The following ARHGAP29 variants were observed in gnomAD, a reference collection of about 807,000 sequenced individuals.
The protein encoded by ARHGAP29 is rho GTPase-activating protein 29.
In ARHGAP29, 43 loss-of-function variants were observed where a neutral mutation model predicts 122.6. The ratio of observed to expected loss-of-function variants is 0.35; its 90% CI spans 0.27 to 0.45. ARHGAP29 has a LOEUF of 0.45. Ranked by LOEUF, ARHGAP29 falls within the 20% of genes least tolerant of loss-of-function variation. The probability of loss-of-function intolerance (pLI) is 1.00; values close to 1 mark genes in which losing one functional copy is unlikely to be tolerated. For missense variants in ARHGAP29, 1,303 were observed against 1,477.2 expected (o/e 0.88, Z 1.93); for synonymous variants, 506 against 497.1 (o/e 1.02, Z -0.24).
the ARHGAP29 span, among the ~76,000 whole-genome samples, chr1:94,294,511 C>T: frequency 6.6e-6 from 1 of 152,142 alleles, no homozygotes; most frequent in South Asian, 2.1e-4. Flanking sequence ...TTATCTCGCA[C>T]TCCTGGGCTC....
At position 94,178,173 on chromosome 1, in the gene ARHGAP29, A is replaced by G; in HGVS notation, c.2481-6T>C. 1 of 1,606,904 alleles carries G rather than the reference A, an allele frequency of 6.2e-7. No homozygotes were observed. On this transcript the variant is annotated splice_polypyrimidine_tract_variant and splice_region_variant and intron_variant, in intron 20 of 22. Transcript: ENST00000260526. The stretch of plus-strand genomic sequence containing the variant: ...CTTCTGCATGATCTACTACCCTGCA[A>G]AGTAGAACACATAAAGTTGTATGAG...
In ARHGAP29 at chr1:94,189,371, CAAAA is replaced by C. The variant is rs763701266; in HGVS notation, c.1440-23_1440-20del. On this transcript the variant is annotated intron_variant, in intron 13 of 22. Coordinates refer to ENST00000260526, the MANE Select transcript of ARHGAP29 (RefSeq NM_004815.4). Reference sequence around the variant, plus strand: ...TACATTTCTGAAACAACAACAATGACAAAAAACAAAACTCAACACTCCAAAGAAT... The same window carrying C: ...TACATTTCTGAAACAACAACAATGACAACAAAACTCAACACTCCAAAGAAT... 1.3e-6 allele frequency: 2 copies of C among 1,591,250 alleles called. No homozygotes were observed. The highest frequency in any genetic ancestry group is 1.7e-6 in the Non-Finnish European group (2 of 1,170,852).
chr1:94,238,284 TTCCCGACC>T (rs1478045556), upstream of ARHGAP29, among the ~76,000 whole-genome samples: 1 of 151,772 alleles, frequency 6.6e-6, no homozygotes, highest in East Asian at 1.9e-4. Flanking sequence ...TGGTCTCGAA[TTCCCGACC>T]TCCCGACCTC....
chr1:94,235,975 T>C (rs1021110997), intron 1 of ARHGAP29, among the ~76,000 whole-genome samples: 1 of 152,182 alleles, frequency 6.6e-6, no homozygotes, highest in African/African-American at 2.4e-5. Flanking sequence ...CAAACATCTA[T>C]ACTTACTATT....
chr1:94,224,530 TAAACATGCAGA>T (rs755817875), intron 2 of ARHGAP29, among the ~76,000 whole-genome samples: 12 of 152,202 alleles, frequency 7.9e-5, no homozygotes, highest in Non-Finnish European at 1.5e-4. Flanking sequence ...TCAAGGAAAT[TAAACATGCAGA>T]AATCCATATA....
At chr1:94,195,315 G>A (rs1050306973) in intron 12 of ARHGAP29, 2 of 152,196 alleles carry the variant, frequency 1.3e-5, no homozygotes, top group Non-Finnish European at 2.9e-5. Flanking sequence ...GTGAATCCAA[G>A]ACATTGCAAG....
upstream of ARHGAP29, among the ~76,000 whole-genome samples, chr1:94,240,369 C>A (rs1653530817): frequency 6.6e-6 from 1 of 152,064 alleles, no homozygotes; most frequent in Admixed American, 6.5e-5. Flanking sequence ...GAAATATTTG[C>A]AAAAATGGTA....
the ARHGAP29 span, among the ~76,000 whole-genome samples, chr1:94,288,084 A>G: frequency 6.6e-6 from 1 of 152,166 alleles, no homozygotes; most frequent in Non-Finnish European, 1.5e-5. Flanking sequence ...GGTCTTCCAC[A>G]ATGGTTGAAC....
At chr1:94,224,809 G>A (rs886382961) in intron 2 of ARHGAP29, among the ~76,000 whole-genome samples, 2 of 152,166 alleles carry the variant, frequency 1.3e-5, no homozygotes, top group Non-Finnish European at 2.9e-5. Flanking sequence ...CTACGAACTT[G>A]CAATTCCTTT....
At chr1:94,200,244 A>G (rs547241507) in intron 12 of ARHGAP29, among the ~76,000 whole-genome samples, 1 of 152,238 alleles carries the variant, frequency 6.6e-6, no homozygotes, top group Non-Finnish European at 1.5e-5. Context: ...ATAAGAAAAT[A>G]AACAACTCAA....
chr1:94,171,416 T>C lies in ARHGAP29; in HGVS notation c.*2453A>G, dbSNP rs1469483347. On this transcript the variant is annotated 3_prime_UTR_variant, in exon 23 of 23. Transcript: ENST00000260526. Reference sequence around the variant, plus strand: ...TTCAGAAATGACTTCTTCTGAGTCGTTTGGACAATACGCATCATCTTGGAC... The same window carrying C: ...TTCAGAAATGACTTCTTCTGAGTCGCTTGGACAATACGCATCATCTTGGAC... 6.6e-6 allele frequency among the ~76,000 whole-genome samples: 1 copy of C among 152,204 alleles called. No individual in the cohort carries two copies. The highest frequency in any genetic ancestry group is 2.4e-5 in the African/African-American group (1 of 41,470).
At chr1:94,276,830 A>C (rs538220384), upstream of ARHGAP29, among the ~76,000 whole-genome samples, 2 of 145,626 alleles carry the variant, frequency 1.4e-5, no homozygotes, top group Non-Finnish European at 3.0e-5. Context: ...CCAATTCTCT[A>C]TTCACTGTAG....
At chr1:94,268,986 G>A (rs1654890010) in intron 1 of ARHGAP29, among the ~76,000 whole-genome samples, 1 of 152,102 alleles carries the variant, frequency 6.6e-6, no homozygotes, top group South Asian at 2.1e-4. Flanking sequence ...ACATATGTAA[G>A]AAGGTTATAT....
intron 8 of ARHGAP29, 127 bp downstream of exon 8, chr1:94,203,803 T>G: frequency 1.4e-6 from 1 of 732,794 alleles, no homozygotes; most frequent in South Asian, 1.9e-5. Context: ...TAAAATAATT[T>G]TGTCAATAAA....
At chr1:94,215,833 C>T (rs1651928163) in intron 3 of ARHGAP29, among the ~76,000 whole-genome samples, 1 of 152,062 alleles carries the variant, frequency 6.6e-6, no homozygotes, top group Admixed American at 6.5e-5. Context: ...GCTAATTTTA[C>T]TTATACAGAG....
intron 5 of ARHGAP29, 106 bp from the exon 6 acceptor site, chr1:94,205,789 A>G: frequency 1.1e-6 from 1 of 943,656 alleles, no homozygotes; most frequent in East Asian, 2.5e-5. Flanking sequence ...CCTGCTAAAG[A>G]ATTTCAAGTA....
At chr1:94,285,614 C>T in the ARHGAP29 span, among the ~76,000 whole-genome samples, 4 of 151,778 alleles carry the variant, frequency 2.6e-5, no homozygotes, top group African/African-American at 9.7e-5. Flanking sequence ...GAAGTACATT[C>T]GCCTGTAATC....
intron 1 of ARHGAP29, among the ~76,000 whole-genome samples, chr1:94,263,960 T>A: frequency 6.6e-6 from 1 of 152,218 alleles, no homozygotes; most frequent in Non-Finnish European, 1.5e-5. Flanking sequence ...CCCAATGTTC[T>A]TTGGGTATAA....
chr1:94,185,465 T>A lies in ARHGAP29; in HGVS notation c.1797A>T (p.Gly599=). The part of the protein sequence containing the change: ...SPSETGPNSL[G]TFKKTLMSKA... ...TTGACATCAATGTTTTCTTAAATGT[T>A]CCAAGGGAATTGGGTCCTTGCAAGA... The change falls in exon 17 of 23, where the codon GGA becomes GGT. Residue 599 remains glycine (G), a synonymous_variant. Transcript: ENST00000260526. The A allele has an allele frequency of 6.2e-7, 1 of 1,607,978 alleles. No homozygotes were observed. The highest frequency in any genetic ancestry group is 1.3e-5 in the African/African-American group (1 of 74,768).
Sources: gnomAD v4.1 joint callset for allele counts (sites outside exome capture counted in the v4.1 genomes callset) on GRCh38, gnomAD v4.1.1 for gene constraint, MANE v1.5 for transcripts, NCBI Gene and HGNC (gene_info 2026-07-23, HGNC 2026-07-21) for gene names.